Variants in LIMD1 observed in about 807,000 individuals in gnomAD.
LIMD1 encodes the protein LIM domain-containing protein 1.
A neutral mutation model predicts 58.4 loss-of-function variants in LIMD1; 23 were observed. That is an observed-to-expected ratio of 0.39 (90% CI 0.28 to 0.56). The LOEUF is 0.56. Ranked by LOEUF, LIMD1 falls within the 20% of genes least tolerant of loss-of-function variation. The probability of loss-of-function intolerance (pLI) is 0.57; values close to 1 mark genes in which losing one functional copy is unlikely to be tolerated. For missense variants in LIMD1, 838 were observed against 855.5 expected (o/e 0.98, Z 0.25); for synonymous variants, 334 against 345.5 (o/e 0.97, Z 0.37).
At chr3:45,650,501 C>G (rs575680540) in intron 2 of LIMD1, among the ~76,000 whole-genome samples, 4 of 147,206 alleles carry the variant, frequency 2.7e-5, no homozygotes, top group Admixed American at 6.9e-5. Context: ...CCCACCCCCC[C>G]CAACAGGCCC....
At chr3:45,617,579 A>C (rs1448181834) in intron 1 of LIMD1, among the ~76,000 whole-genome samples, 1 of 152,224 alleles carries the variant, frequency 6.6e-6, no homozygotes, top group African/African-American at 2.4e-5. Context: ...GCAGCCCTGC[A>C]AAGTGCCCGC....
At chr3:45,609,221 C>T (rs1045947993) in intron 1 of LIMD1, among the ~76,000 whole-genome samples, 4 of 152,210 alleles carry the variant, frequency 2.6e-5, no homozygotes, top group Admixed American at 6.5e-5. Flanking sequence ...GGGCCAAGCA[C>T]GGAATGGAAG....
chr3:45,607,925 T>C (rs2578693), intron 1 of LIMD1, among the ~76,000 whole-genome samples: 92,948 of 152,164 alleles, frequency 0.61, 28,783 homozygotes, highest in Non-Finnish European at 0.67. Context: ...GCGTGATGGT[T>C]AGGGCTGGCC....
chr3:45,673,490 C>T lies in LIMD1; in HGVS notation c.1809C>T (p.Pro603=). ...LAPKCAACGL[P]ILPPEGSDET... is the part of the protein sequence containing the mutation. ...CCAAGTGTGCAGCCTGTGGGCTTCC[C>T]ATCCTTCCACCTGAGGTAAGATGCC... is the stretch of plus-strand genomic sequence containing the variant. The change falls in exon 6 of 8, where the codon CCC becomes CCT. Residue 603 remains proline, a synonymous_variant. Transcript: ENST00000273317. The T allele has an allele frequency of 1.9e-6, 3 of 1,613,812 alleles. No homozygotes were observed. The highest frequency in any genetic ancestry group is 2.5e-6 in the Non-Finnish European group (3 of 1,179,704).
At chr3:45,635,297 G>T (rs150315193) in intron 1 of LIMD1, among the ~76,000 whole-genome samples, 11 of 152,176 alleles carry the variant, frequency 7.2e-5, no homozygotes, top group African/African-American at 2.4e-4. Context: ...CCAGGCTGGT[G>T]TTGAACTCCT....
intron 1 of LIMD1, chr3:45,635,790 A>G: frequency 3.7e-6 from 2 of 538,208 alleles, no homozygotes; most frequent in South Asian, 8.5e-5. Flanking sequence ...CCCAACCTGC[A>G]TGCTTGGCAT....
At chr3:45,650,771 A>C (rs1412972991) in intron 2 of LIMD1, among the ~76,000 whole-genome samples, 1 of 151,866 alleles carries the variant, frequency 6.6e-6, no homozygotes, top group African/African-American at 2.4e-5. Flanking sequence ...AGTCTTTGCT[A>C]TTTTGAATAG....
In LIMD1 at chr3:45,630,982, T is replaced by C. The variant is rs947808624; in HGVS notation, c.1409-5168T>C. Among the ~76,000 whole-genome samples, 44 of 152,092 alleles carry C rather than the reference T, an allele frequency of 2.9e-4. 1 individual carries two copies. The highest frequency in any genetic ancestry group is 2.9e-5 in the Non-Finnish European group (2 of 68,006). ...ACTTTGGGAGGCCGAGGCGGGCGGA[T>C]CACCTGAGGTCAGGAGTTCCAGACC... On this transcript the variant is annotated intron_variant, in intron 1 of 7. Coordinates refer to ENST00000273317, the MANE Select transcript of LIMD1 (RefSeq NM_014240.3).
At chr3:45,675,820 A>T (rs1697659535) in intron 7 of LIMD1, among the ~76,000 whole-genome samples, 1 of 152,192 alleles carries the variant, frequency 6.6e-6, no homozygotes, top group Non-Finnish European at 1.5e-5. Context: ...CAGCATGGAC[A>T]ACACAGTGAG....
At chr3:45,663,933 T>C (rs1268535781) in intron 2 of LIMD1, among the ~76,000 whole-genome samples, 1 of 148,334 alleles carries the variant, frequency 6.7e-6, no homozygotes, top group Non-Finnish European at 1.5e-5. Flanking sequence ...TGCAGTGGCA[T>C]GATCTCGGCT....
chr3:45,671,707 G>A (rs972057961), intron 4 of LIMD1, among the ~76,000 whole-genome samples: 1 of 152,164 alleles, frequency 6.6e-6, no homozygotes, highest in Admixed American at 6.5e-5. Flanking sequence ...CTTACCCCCA[G>A]AGTTTCTGAT....
At position 45,624,357 on chromosome 3, in the gene LIMD1, C is replaced by T. The variant is rs760652946; in HGVS notation, c.1409-11793C>T. Among the ~76,000 whole-genome samples the T allele has an allele frequency of 3.3e-5, 5 of 151,956 alleles. No individual in the cohort carries two copies. The East Asian group carries it at 5.8e-4, about 18-fold the overall frequency. On this transcript the variant is annotated intron_variant, in intron 1 of 7. Coordinates refer to ENST00000273317, the MANE Select transcript of LIMD1 (RefSeq NM_014240.3). Reference sequence around the variant, plus strand: ...CACAAAATAAAGTCGAGATGTGAGACGGGGGTAGGAGCAGGGCCACATTCA... The same window carrying T: ...CACAAAATAAAGTCGAGATGTGAGATGGGGGTAGGAGCAGGGCCACATTCA...
intron 1 of LIMD1, among the ~76,000 whole-genome samples, chr3:45,612,097 C>G (rs1018972924): frequency 1.8e-4 from 27 of 151,928 alleles, no homozygotes. Context: ...CTCTCTCTCT[C>G]TCTTTAAAGA....
chr3:45,629,563 C>A (rs1701706059), intron 1 of LIMD1, among the ~76,000 whole-genome samples: 1 of 152,088 alleles, frequency 6.6e-6, no homozygotes, highest in Non-Finnish European at 1.5e-5. Flanking sequence ...TGCCTTTGCA[C>A]CCAAATATTG....
rs746056944 is a variant in LIMD1, at chr3:45,595,457, A to G, written c.578A>G (p.Lys193Arg). ...LSLASPKWGD[K>R]PGVSPSIGLS... ...TTGGCAAGCCCAAAGTGGGGTGACA[A>G]ACCAGGAGTGTCCCCCAGCATCGGC... The change falls in exon 1 of 8, where the codon AAA (lysine) becomes AGA (arginine). Residue 193 changes from lysine to arginine, a missense_variant. Physicochemically the swap from Lys to Arg is conservative, Grantham distance 26. Coordinates refer to ENST00000273317, the MANE Select transcript of LIMD1 (RefSeq NM_014240.3). 5 of 1,613,842 alleles carry G rather than the reference A, an allele frequency of 3.1e-6. No homozygotes were observed. In the African/African-American group the frequency reaches 6.7e-5, roughly 22 times the overall value.
At chr3:45,627,028 C>G (rs900505524) in intron 1 of LIMD1, among the ~76,000 whole-genome samples, 3 of 152,132 alleles carry the variant, frequency 2.0e-5, no homozygotes, top group African/African-American at 7.2e-5. Flanking sequence ...CAAAAATCCA[C>G]TGTGCTCCCC....
chr3:45,607,477 C>T (rs115884164), intron 1 of LIMD1, among the ~76,000 whole-genome samples: 3,930 of 152,144 alleles, frequency 0.026, 66 homozygotes, highest in Non-Finnish European at 0.043. Flanking sequence ...GGGTTACTCC[C>T]GGTTACTGAA....
chr3:45,617,987 C>T (rs1464761115), intron 1 of LIMD1, among the ~76,000 whole-genome samples: 1 of 152,094 alleles, frequency 6.6e-6, no homozygotes, highest in Non-Finnish European at 1.5e-5. Context: ...GAGGAGAATT[C>T]GGGATTTTAT....
intron 1 of LIMD1, among the ~76,000 whole-genome samples, chr3:45,605,374 T>C (rs573260019): frequency 6.6e-6 from 1 of 152,404 alleles, no homozygotes; most frequent in Admixed American, 6.5e-5. Context: ...TTTGCAATTG[T>C]AAGTGGTAAT....
Sources: allele counts gnomAD v4.1 joint callset (sites outside exome capture counted in the v4.1 genomes callset), GRCh38; gene constraint gnomAD v4.1.1; transcripts MANE v1.5; gene names NCBI Gene and HGNC (gene_info 2026-07-23, HGNC 2026-07-21).